The following DCDC1 variants were observed in gnomAD, a reference collection of about 807,000 sequenced individuals.
DCDC1 encodes doublecortin domain containing 1.
In DCDC1, 200 loss-of-function variants were observed where a neutral mutation model predicts 178.3. That is an observed-to-expected ratio of 1.12 (90% CI 1.00 to 1.26). The LOEUF (loss-of-function observed/expected upper bound fraction) is 1.26, where lower values mean the gene tolerates loss of function less well. Ranked by LOEUF, DCDC1 falls within the 50% of genes most tolerant of loss-of-function variation. The probability of loss-of-function intolerance (pLI) is 0.00; values close to 1 mark genes in which losing one functional copy is unlikely to be tolerated. For synonymous variants in DCDC1, 690 were observed against 604.8 expected (o/e 1.14, Z -2.07); for missense variants, 1,983 against 1,749.2 (o/e 1.13, Z -2.38).
chr11:31,182,731 A>C (rs2136295270), intron 9 of DCDC1, among the ~76,000 whole-genome samples: 1 of 152,330 alleles, frequency 6.6e-6, no homozygotes, highest in South Asian at 2.1e-4. Context: ...TAATGACAGG[A>C]TCAAATTCAC....
At chr11:30,887,402 T>C (rs1565027957) in intron 36 of DCDC1, among the ~76,000 whole-genome samples, 1 of 152,212 alleles carries the variant, frequency 6.6e-6, no homozygotes, top group African/African-American at 2.4e-5. Context: ...TTAGTAATGC[T>C]TTTTTAGTTT....
At chr11:31,012,641 T>C (rs1284941552) in intron 20 of DCDC1, among the ~76,000 whole-genome samples, 1 of 147,628 alleles carries the variant, frequency 6.8e-6, no homozygotes, top group African/African-American at 2.5e-5. Context: ...AGAAAGAAAA[T>C]AGAAAATCTC....
chr11:31,257,193 C>T (rs1424133481), intron 8 of DCDC1, among the ~76,000 whole-genome samples: 1 of 152,172 alleles, frequency 6.6e-6, no homozygotes, highest in African/African-American at 2.4e-5. Flanking sequence ...GGAAGCATTA[C>T]ATCTGCTGCC....
At chr11:31,167,869 T>C (rs1426544698) in intron 9 of DCDC1, among the ~76,000 whole-genome samples, 3 of 152,154 alleles carry the variant, frequency 2.0e-5, no homozygotes, top group Admixed American at 2.0e-4. Context: ...TGCATAGGCA[T>C]CCATATCTTT....
intron 20 of DCDC1, among the ~76,000 whole-genome samples, chr11:31,007,824 A>G (rs951269324): frequency 1.3e-5 from 2 of 151,842 alleles, no homozygotes; most frequent in African/African-American, 2.4e-5. Flanking sequence ...CACCACACCC[A>G]GCTAATTTTT....
chr11:30,868,242 C>CTTTTTTTTTT (rs35180579), intron 38 of DCDC1, among the ~76,000 whole-genome samples: 1 of 61,042 alleles, frequency 1.6e-5, no homozygotes, highest in Non-Finnish European at 3.0e-5. Context: ...TTCATACCTG[C>CTTTTTTTTTT]TTTTTTTTTT....
At chr11:30,989,998 G>A (rs1950883465) in intron 20 of DCDC1, among the ~76,000 whole-genome samples, 1 of 152,100 alleles carries the variant, frequency 6.6e-6, no homozygotes. Context: ...CACTTAGACT[G>A]GAAAGGTGAA....
At chr11:30,925,243 AG>A (rs1946519243) in intron 23 of DCDC1, 65 bp downstream of exon 23, 1 of 1,348,558 alleles carries the variant, frequency 7.4e-7, no homozygotes. Flanking sequence ...CTTATATTTA[AG>A]GGGATTCTTT....
intron 3 of DCDC1, among the ~76,000 whole-genome samples, chr11:31,323,508 C>A (rs1949481907): frequency 6.6e-6 from 1 of 152,066 alleles, no homozygotes; most frequent in Admixed American, 6.6e-5. Context: ...TGCAGTCAAC[C>A]ATTTTCATCT....
intron 11 of DCDC1, among the ~76,000 whole-genome samples, chr11:31,121,760 ACATATATAT>A (rs1193278673): frequency 6.6e-6 from 1 of 152,038 alleles, no homozygotes; most frequent in Non-Finnish European, 1.5e-5. Context: ...CTGTGAGCTT[ACATATATAT>A]GTAACAGAGT....
intron 18 of DCDC1, among the ~76,000 whole-genome samples, chr11:31,070,449 A>AT (rs1956486408): frequency 6.6e-6 from 1 of 151,990 alleles, no homozygotes; most frequent in African/African-American, 2.4e-5. Flanking sequence ...ATTCTAACCT[A>AT]TTTTTTACCA....
intron 9 of DCDC1, among the ~76,000 whole-genome samples, chr11:31,159,654 G>T (rs1010231880): frequency 6.6e-6 from 1 of 152,150 alleles, no homozygotes; most frequent in Non-Finnish European, 1.5e-5. Flanking sequence ...CATGCTTCAA[G>T]AAAGAAAATC....
chr11:30,903,130 G>A (rs1178590130), intron 32 of DCDC1, among the ~76,000 whole-genome samples: 1 of 151,934 alleles, frequency 6.6e-6, no homozygotes, highest in Admixed American at 6.6e-5. Context: ...AGTTGGTTTG[G>A]TTCTGAGTAA....
intron 20 of DCDC1, among the ~76,000 whole-genome samples, chr11:31,032,637 A>G (rs1953727549): frequency 6.6e-6 from 1 of 152,204 alleles, no homozygotes; most frequent in African/African-American, 2.4e-5. Context: ...TGAGGTAACC[A>G]TACAAATAAC....
chr11:31,244,046 A>C (rs1334436621), intron 8 of DCDC1, among the ~76,000 whole-genome samples: 1 of 151,776 alleles, frequency 6.6e-6, no homozygotes, highest in Non-Finnish European at 1.5e-5. Flanking sequence ...CAATGTTTCC[A>C]CTAACTAGGA....
intron 7 of DCDC1, among the ~76,000 whole-genome samples, chr11:31,289,240 T>C (rs769799394): frequency 1.3e-5 from 2 of 152,010 alleles, no homozygotes; most frequent in Non-Finnish European, 1.5e-5. Flanking sequence ...TGAACTGAAG[T>C]GAACTCAAGA....
chr11:31,167,786 T>A (rs113382056), intron 9 of DCDC1, among the ~76,000 whole-genome samples: 1 of 152,184 alleles, frequency 6.6e-6, no homozygotes, highest in Non-Finnish European at 1.5e-5. Context: ...ATAAGAAACA[T>A]CTGGAGAGCT....
At chr11:31,213,910 G>A (rs1021317221) in intron 9 of DCDC1, among the ~76,000 whole-genome samples, 1 of 151,742 alleles carries the variant, frequency 6.6e-6, no homozygotes, top group African/African-American at 2.4e-5. Flanking sequence ...GTGTACACAT[G>A]TACATGTATC....
chr11:31,355,846 G>A (rs1209087502), intron 1 of DCDC1, among the ~76,000 whole-genome samples: 2 of 152,128 alleles, frequency 1.3e-5, no homozygotes, highest in Non-Finnish European at 1.5e-5. Context: ...TGGGACTACT[G>A]GTGGGAGCTA....
Sources: allele counts gnomAD v4.1 joint callset (sites outside exome capture counted in the v4.1 genomes callset), GRCh38; gene constraint gnomAD v4.1.1; transcripts MANE v1.5; gene names NCBI Gene and HGNC (gene_info 2026-07-23, HGNC 2026-07-21).